FLACC1: variants seen among roughly 807,000 people sequenced by gnomAD.
FLACC1 encodes the protein flagellum-associated coiled-coil domain-containing protein 1.
A neutral mutation model predicts 62.8 loss-of-function variants in FLACC1; 66 were observed. The observed-to-expected ratio is 1.05, with a 90% CI of 0.86 to 1.29. The LOEUF (loss-of-function observed/expected upper bound fraction) is 1.29, where lower values mean the gene tolerates loss of function less well. Among genes scored for constraint, FLACC1 ranks in the 50% most tolerant of loss-of-function variants. FLACC1 has a pLI of 0.00. For synonymous variants in FLACC1, 156 were observed against 161.0 expected (o/e 0.97, Z 0.24); for missense variants, 452 against 489.1 (o/e 0.92, Z 0.71).
chr2:201,341,795 A>T (rs987317817), intron 7 of FLACC1, among the ~76,000 whole-genome samples: 2 of 152,296 alleles, frequency 1.3e-5, no homozygotes, highest in Non-Finnish European at 1.5e-5. Context: ...GCAACATTGT[A>T]TGATTTGATC....
upstream of FLACC1, among the ~76,000 whole-genome samples, chr2:201,361,312 A>G (rs144161962): frequency 7.9e-5 from 12 of 152,306 alleles, no homozygotes; most frequent in Admixed American, 1.3e-4. Context: ...AGACACAGAC[A>G]CTGCTTTGGA....
At chr2:201,354,619 G>A (rs2125628136) in intron 1 of FLACC1, among the ~76,000 whole-genome samples, 1 of 152,260 alleles carries the variant, frequency 6.6e-6, no homozygotes, top group Middle Eastern at 3.4e-3. Flanking sequence ...GCCCAGGTGG[G>A]AAGATGATGC....
intron 6 of FLACC1, 109 bp downstream of exon 6, chr2:201,344,061 C>T: frequency 1.1e-6 from 1 of 887,930 alleles, no homozygotes; most frequent in Non-Finnish European, 1.8e-6. Context: ...ACCTGGACAA[C>T]ATGGCTCATA....
At chr2:201,306,983 C>T (rs925508596) in intron 11 of FLACC1, among the ~76,000 whole-genome samples, 1 of 152,068 alleles carries the variant, frequency 6.6e-6, no homozygotes, top group East Asian at 1.9e-4. Flanking sequence ...AATGAAGTAC[C>T]ACTTCATGCC....
At chr2:201,350,652 G>A (rs1026324401) in intron 3 of FLACC1, 59 bp downstream of exon 3, 63 of 1,455,484 alleles carry the variant, frequency 4.3e-5, no homozygotes, top group Non-Finnish European at 3.8e-6. Context: ...CTGCACTCTA[G>A]CCTGGGCAAC....
intron 11 of FLACC1, among the ~76,000 whole-genome samples, chr2:201,302,308 C>T (rs1304133349): frequency 6.6e-6 from 1 of 152,056 alleles, no homozygotes; most frequent in African/African-American, 2.4e-5. Flanking sequence ...AGACTTTAAA[C>T]CAGCAAAGAT....
intron 12 of FLACC1, among the ~76,000 whole-genome samples, chr2:201,290,592 C>T (rs1271973485): frequency 6.6e-6 from 1 of 152,178 alleles, no homozygotes; most frequent in Non-Finnish European, 1.5e-5. Flanking sequence ...GTCTACAGCT[C>T]CCAGCGTGAG....
chr2:201,349,445 G>C (rs1950982171), intron 3 of FLACC1, among the ~76,000 whole-genome samples: 1 of 152,106 alleles, frequency 6.6e-6, no homozygotes, highest in Non-Finnish European at 1.5e-5. Flanking sequence ...TGTAGCACTT[G>C]CCAACCTCGG....
At position 201,300,756 on chromosome 2, in the gene FLACC1, G is replaced by C. The variant is rs549171977; in HGVS notation, c.880-1456C>G. ...GAGAAACGATCAGGCAGCAACATTT[G>C]CTGTTCTGCAGTATCTGCAGTTCTA... On this transcript the variant is annotated intron_variant, in intron 11 of 14. Coordinates refer to ENST00000392257, the MANE Select transcript of FLACC1 (RefSeq NM_001127391.3). Among the ~76,000 whole-genome samples the C allele has an allele frequency of 1.9e-4, 29 of 152,194 alleles. No individual in the cohort carries two copies. The South Asian group carries it at 6.0e-3, about 32-fold the overall frequency.
At chr2:201,349,738 A>G (rs1950988685) in intron 3 of FLACC1, among the ~76,000 whole-genome samples, 1 of 152,264 alleles carries the variant, frequency 6.6e-6, no homozygotes, top group Admixed American at 6.5e-5. Context: ...TCTTAGACAC[A>G]GGACAGTAAT....
intron 11 of FLACC1, among the ~76,000 whole-genome samples, chr2:201,300,498 C>T (rs1949958472): frequency 6.6e-6 from 1 of 152,308 alleles, no homozygotes; most frequent in African/African-American, 2.4e-5. Context: ...CTTCTGGGGG[C>T]AGGGCATAGC....
chr2:201,349,527 CTT>C (rs1231680960), intron 3 of FLACC1, among the ~76,000 whole-genome samples: 1 of 152,178 alleles, frequency 6.6e-6, no homozygotes. Flanking sequence ...AGAGTGGAGA[CTT>C]TATTGTGTTT....
In FLACC1 at chr2:201,313,468, G is replaced by A. The variant is rs1158938145; in HGVS notation, c.676-4218C>T. Reference sequence around the variant, plus strand: ...CCCCTACTTCCCTGACAACCTGCACGACACAGCAGAAGTAGCCATAATCCT... The same window carrying A: ...CCCCTACTTCCCTGACAACCTGCACAACACAGCAGAAGTAGCCATAATCCT... On this transcript the variant is annotated intron_variant, in intron 9 of 14. Coordinates refer to ENST00000392257, the MANE Select transcript of FLACC1 (RefSeq NM_001127391.3). Among the ~76,000 whole-genome samples the A allele has an allele frequency of 2.0e-5, 3 of 152,050 alleles. No individual in the cohort carries two copies. The East Asian group carries it at 5.8e-4, about 29-fold the overall frequency.
chr2:201,309,661 C>G (rs1950175530), intron 9 of FLACC1, among the ~76,000 whole-genome samples: 1 of 151,984 alleles, frequency 6.6e-6, no homozygotes. Context: ...GTAATCCCAG[C>G]ACTTTGGGAG....
chr2:201,309,222 T>G lies in FLACC1; in HGVS notation c.704A>C (p.Lys235Thr), dbSNP rs773280711. 3 of 1,613,898 alleles carry G rather than the reference T, an allele frequency of 1.9e-6. No individual in the cohort carries two copies. The highest frequency in any genetic ancestry group is 2.5e-6 in the Non-Finnish European group (3 of 1,179,876). The change falls in exon 10 of 15, where the codon AAG becomes ACG. Residue 235 changes from lysine (K) to threonine (T), a missense_variant. Lys to Thr is a moderately conservative substitution (Grantham distance 78). Coordinates refer to ENST00000392257, the MANE Select transcript of FLACC1 (RefSeq NM_001127391.3). Reference protein sequence around the residue: ...QDSIYDEMEEKWSKQKAKWKK... With the variant: ...QDSIYDEMEETWSKQKAKWKK... ...CCATTTCGCCTTCTGTTTTGACCAC[T>G]TCTCTTCCATTTCATCATAAATACT...
chr2:201,294,386 T>A (rs1949809646), intron 12 of FLACC1, among the ~76,000 whole-genome samples: 1 of 152,246 alleles, frequency 6.6e-6, no homozygotes, highest in Non-Finnish European at 1.5e-5. Flanking sequence ...TCAATAAATG[T>A]AATCCAGCAT....
At chr2:201,354,737 C>T (rs1951087527) in intron 1 of FLACC1, among the ~76,000 whole-genome samples, 1 of 152,152 alleles carries the variant, frequency 6.6e-6, no homozygotes, top group Admixed American at 6.5e-5. Context: ...ACGAAAGGAG[C>T]CAACCCTGAA....
intron 9 of FLACC1, among the ~76,000 whole-genome samples, chr2:201,324,949 G>A (rs1298746235): frequency 2.0e-5 from 3 of 152,092 alleles, no homozygotes; most frequent in African/African-American, 7.2e-5. Context: ...CCAACATGGT[G>A]AAACCCCATC....
At chr2:201,304,384 G>A (rs902050566) in intron 11 of FLACC1, among the ~76,000 whole-genome samples, 154 of 152,136 alleles carry the variant, frequency 1.0e-3, no homozygotes, top group Non-Finnish European at 1.8e-3. Context: ...GGGATGTGAA[G>A]GACCTCTTCA....
Sources: allele counts gnomAD v4.1 joint callset (sites outside exome capture counted in the v4.1 genomes callset), GRCh38; gene constraint gnomAD v4.1.1; transcripts MANE v1.5; gene names NCBI Gene and HGNC (gene_info 2026-07-23, HGNC 2026-07-21).